Variants in HMMR observed in about 807,000 individuals in gnomAD.
HMMR encodes intracellular hyaluronic acid-binding protein.
In HMMR, 108 loss-of-function variants were observed where a neutral mutation model predicts 101.0. The ratio of observed to expected loss-of-function variants is 1.07; its 90% CI spans 0.92 to 1.25. HMMR has a LOEUF of 1.25. Among genes scored for constraint, HMMR ranks in the 50% most tolerant of loss-of-function variants. The pLI is 0.00. For synonymous variants in HMMR, 296 were observed against 276.4 expected, an observed-to-expected ratio of 1.07 and a Z score of -0.70; for missense variants, 813 against 788.7, an observed-to-expected ratio of 1.03 and a Z score of -0.37.
chr5:163,486,040 A>T (rs956140786), intron 16 of HMMR, among the ~76,000 whole-genome samples: 6 of 152,180 alleles, frequency 3.9e-5, no homozygotes, highest in African/African-American at 1.4e-4. Flanking sequence ...CACTGTCTTG[A>T]TTACTGTTGT....
chr5:163,478,896 T>C (rs1759161032), intron 12 of HMMR, 96 bp downstream of exon 12: 1 of 678,222 alleles, frequency 1.5e-6, no homozygotes, highest in Non-Finnish European at 2.7e-6. Flanking sequence ...ACACAAAGGA[T>C]GATTCATACT....
Position 163,468,940 on chromosome 5 carries a change from C to A in HMMR, c.274-701C>A, listed in dbSNP as rs184120452. Among the ~76,000 whole-genome samples, 287 of 151,926 alleles carry A rather than the reference C, an allele frequency of 1.9e-3. 1 individual carries two copies. Among genetic ancestry groups the A allele is most frequent in the African/African-American group, 6.7e-3 (278 of 41,410 alleles). ...CAGCAAGAATGATGGCTTGCCAATG[C>A]CTAGTACATTCTCCTCAGAAGCCCA... On this transcript the variant is annotated intron_variant, in intron 4 of 17. Transcript: ENST00000393915.
At position 163,475,623 on chromosome 5, in the gene HMMR, G is replaced by T; in HGVS notation, c.1219G>T (p.Ala407Ser). ...ERLVKQLEEE[A>S]KSRAEELKLL... is the part of the protein sequence containing the mutation. Reference sequence around the variant, plus strand: ...GCTGGTCAAGCAATTGGAAGAGGAAGCAAAATCTAGAGCTGAAGAATTAAA... The same window carrying T: ...GCTGGTCAAGCAATTGGAAGAGGAATCAAAATCTAGAGCTGAAGAATTAAA... The change falls in exon 11 of 18, where the codon GCA (alanine) becomes TCA (serine). Residue 407 changes from alanine (A) to serine (S), a missense_variant. Physicochemically the swap from Ala to Ser is moderately conservative, Grantham distance 99. Coordinates refer to ENST00000393915, the MANE Select transcript of HMMR (RefSeq NM_001142556.2). The T allele has an allele frequency of 2.5e-6, 4 of 1,612,708 alleles. No homozygotes were observed. The highest frequency in any genetic ancestry group is 3.4e-6 in the Non-Finnish European group (4 of 1,179,052).
chr5:163,487,749 A>G (rs1000933849), intron 16 of HMMR, among the ~76,000 whole-genome samples: 6 of 151,452 alleles, frequency 4.0e-5, no homozygotes, highest in African/African-American at 1.2e-4. Flanking sequence ...TAAGGTCAGT[A>G]GTAATGGCTT....
intron 1 of HMMR, among the ~76,000 whole-genome samples, chr5:163,462,592 C>G (rs1047564102): frequency 1.3e-5 from 2 of 151,756 alleles, no homozygotes; most frequent in African/African-American, 4.8e-5. Context: ...TTTGGGAGGC[C>G]GAGGCAGAGA....
At chr5:163,474,676 C>A in intron 10 of HMMR, 1 of 414,510 alleles carries the variant, frequency 2.4e-6, no homozygotes, top group Non-Finnish European at 4.7e-6. Context: ...AGATACTCCA[C>A]CTTAGTAGTA....
chr5:163,463,947 A>G lies in HMMR; in HGVS notation c.138A>G (p.Gln46=), dbSNP rs380101. 5 of 1,205,180 alleles carry G rather than the reference A, an allele frequency of 4.1e-6. No homozygotes were observed. In the African/African-American group the frequency reaches 6.3e-5, roughly 15 times the overall value. The allele number at this position is 1,205,180 out of a possible 1,614,324, so 74.7% of individuals were successfully genotyped here. A position where few individuals can be genotyped will look rare whatever the true frequency, so the allele number is the denominator to read the frequency against. ...TTCAGAAATCACAAAGATTTAAACAACAAAAAGGTAATATAGATCACCAAA... is the reference window on the plus strand; with the variant it reads ...TTCAGAAATCACAAAGATTTAAACAGCAAAAAGGTAATATAGATCACCAAA... ...VSFQKSQRFK[Q]QKESKQNLNV... The change falls in exon 2 of 18, where the codon CAA becomes CAG. Residue 46 remains glutamine (Q), a synonymous_variant. Coordinates refer to ENST00000393915, the MANE Select transcript of HMMR (RefSeq NM_001142556.2).
rs375005852 is a variant in HMMR, at chr5:163,475,424, C to T, written c.1054-34C>T. 8.8e-5 allele frequency: 117 copies of T among 1,323,012 alleles called. No individual in the cohort carries two copies. In the Middle Eastern group the frequency reaches 1.8e-3, roughly 21 times the overall value. The allele number at this position is 1,323,012 out of a possible 1,614,324, so 82.0% of individuals were successfully genotyped here. On this transcript the variant is annotated intron_variant, in intron 10 of 17. Transcript: ENST00000393915. ...CTAGTACAACCTCACAATGCCATTC[C>T]AAATTATTTTGGTGGTTTTCTGTTT...
chr5:163,483,260 C>A lies in HMMR; in HGVS notation c.1686-8C>A, dbSNP rs201121580. On this transcript the variant is annotated splice_polypyrimidine_tract_variant and splice_region_variant and intron_variant, in intron 14 of 17. Coordinates refer to ENST00000393915, the MANE Select transcript of HMMR (RefSeq NM_001142556.2). ...CTATGTTTTTCTCAATTTAATTCTTCCATGCAGAAAAGCTGAAAAAGAAAA... is the reference window on the plus strand; with the variant it reads ...CTATGTTTTTCTCAATTTAATTCTTACATGCAGAAAAGCTGAAAAAGAAAA... 5.0e-6 allele frequency: 8 copies of A among 1,599,380 alleles called. No individual in the cohort carries two copies. The Admixed American group carries it at 1.4e-4, about 27-fold the overall frequency.
chr5:163,483,996 G>T (rs781125934), intron 15 of HMMR, 73 bp from the exon 16 acceptor site: 30 of 846,142 alleles, frequency 3.5e-5, no homozygotes, highest in Non-Finnish European at 4.9e-5. Flanking sequence ...TTTCTTTAGT[G>T]TTTATGGTTT....
At position 163,467,754 on chromosome 5, in the gene HMMR, C is replaced by T. The variant is rs752321701; in HGVS notation, c.273+6C>T. 10 of 1,466,428 alleles carry T rather than the reference C, an allele frequency of 6.8e-6. No homozygotes were observed. In the Admixed American group the frequency reaches 1.2e-4, roughly 18 times the overall value. The allele number at this position is 1,466,428 out of a possible 1,614,324, so 90.8% of individuals were successfully genotyped here. ...TGAAGATATTAGAGAAAGAGGTAAG[C>T]AGTGCTTTAAACTTAGTGAAAAGTA... is the stretch of plus-strand genomic sequence containing the variant. On this transcript the variant is annotated splice_donor_region_variant and intron_variant, in intron 4 of 17. Coordinates refer to ENST00000393915, the MANE Select transcript of HMMR (RefSeq NM_001142556.2).
intron 12 of HMMR, among the ~76,000 whole-genome samples, chr5:163,480,849 T>C (rs750213237): frequency 5.3e-5 from 8 of 152,188 alleles, no homozygotes; most frequent in Non-Finnish European, 8.8e-5. Flanking sequence ...ATCAGCCATA[T>C]GGGTTACAGG....
intron 12 of HMMR, among the ~76,000 whole-genome samples, chr5:163,482,433 G>A (rs2113503845): frequency 6.6e-6 from 1 of 152,074 alleles, no homozygotes; most frequent in East Asian, 1.9e-4. Context: ...GTAGGCACTT[G>A]ATTTTTTTTT....
At chr5:163,473,337 C>A in intron 8 of HMMR, 42 bp from the exon 9 acceptor site, 1 of 1,541,928 alleles carries the variant, frequency 6.5e-7, no homozygotes, top group Non-Finnish European at 8.9e-7. Flanking sequence ...TTTCCCTGTG[C>A]CTAAATAGAT....
chr5:163,464,953 C>T (rs961554842), intron 3 of HMMR, 151 bp downstream of exon 3: 2 of 595,236 alleles, frequency 3.4e-6, no homozygotes, highest in African/African-American at 3.7e-5. Flanking sequence ...AGAACTCTAG[C>T]AAGTTTTACA....
In HMMR at chr5:163,482,733, G is replaced by T; in HGVS notation, c.1477G>T (p.Glu493Ter). ...EKAAKAGKNA[E>*]DVQHQILATE... ...AGCGGCCAAGGCTGGGAAAAATGCAGAGGATGTTCAGCATCAGATTTTGGC... is the reference window on the plus strand; with the variant it reads ...AGCGGCCAAGGCTGGGAAAAATGCATAGGATGTTCAGCATCAGATTTTGGC... The change falls in exon 13 of 18, where the codon GAG becomes TAG. Residue 493 changes from glutamate to a stop codon, truncating the protein, a stop_gained. Coordinates refer to ENST00000393915, the MANE Select transcript of HMMR (RefSeq NM_001142556.2). LOFTEE classifies it high-confidence loss of function. The T allele has an allele frequency of 6.2e-7, 1 of 1,613,912 alleles. No homozygotes were observed. The highest frequency in any genetic ancestry group is 8.5e-7 in the Non-Finnish European group (1 of 1,179,822).
chr5:163,464,317 T>A (rs1758630695), intron 2 of HMMR, among the ~76,000 whole-genome samples: 1 of 152,206 alleles, frequency 6.6e-6, no homozygotes, highest in Non-Finnish European at 1.5e-5. Flanking sequence ...CATCAAAAGT[T>A]GTAATTAGAA....
At chr5:163,468,164 G>C (rs146876529) in intron 4 of HMMR, among the ~76,000 whole-genome samples, 1 of 152,206 alleles carries the variant, frequency 6.6e-6, no homozygotes, top group African/African-American at 2.4e-5. Context: ...AGGCTAACTC[G>C]ATGCATTGCT....
chr5:163,475,622 A>C lies in HMMR; in HGVS notation c.1218A>C (p.Glu406Asp). Residue 406 changes from glutamate to aspartate, a missense_variant, in exon 11 of 18, where the codon GAA (glutamate) becomes GAC (aspartate). By Grantham distance (45) the Glu-to-Asp change is conservative. Transcript: ENST00000393915. The part of the protein sequence containing the change: ...AERLVKQLEE[E>D]AKSRAEELKL... ...GGCTGGTCAAGCAATTGGAAGAGGA[A>C]GCAAAATCTAGAGCTGAAGAATTAA... 6.2e-7 allele frequency: 1 copy of C among 1,612,846 alleles called. No homozygotes were observed. Among genetic ancestry groups the C allele is most frequent in the Non-Finnish European group, 8.5e-7 (1 of 1,179,094 alleles).
Sources: gnomAD v4.1 joint callset for allele counts (sites outside exome capture counted in the v4.1 genomes callset) on GRCh38, gnomAD v4.1.1 for gene constraint, MANE v1.5 for transcripts, NCBI Gene and HGNC (gene_info 2026-07-23, HGNC 2026-07-21) for gene names.